RAB27A: variants seen among roughly 807,000 people sequenced by gnomAD.
RAB27A encodes the protein RAB27A, member RAS oncogene family, also known as ras-related protein Rab-27A.
Under a neutral mutation model 20.8 loss-of-function variants are expected in RAB27A, and 17 were observed. That is an observed-to-expected ratio of 0.82 (90% CI 0.56 to 1.23). RAB27A has a LOEUF of 1.23. Among genes scored for constraint, RAB27A ranks in the 50% most tolerant of loss-of-function variants. The pLI, the probability that RAB27A is intolerant of heterozygous loss-of-function variation, is 0.00. For synonymous variants in RAB27A, 85 were observed against 92.8 expected, an observed-to-expected ratio of 0.92 and a Z score of 0.48; for missense variants, 277 against 266.7, an observed-to-expected ratio of 1.04 and a Z score of -0.27.
intron 2 of RAB27A, among the ~76,000 whole-genome samples, chr15:55,246,794 C>T (rs572274415): frequency 1.3e-5 from 2 of 152,090 alleles, no homozygotes; most frequent in East Asian, 3.9e-4. Flanking sequence ...ATGCCTCTTA[C>T]CACCACCAAG....
intron 2 of RAB27A, among the ~76,000 whole-genome samples, chr15:55,240,518 G>GT (rs1186342688): frequency 6.6e-6 from 1 of 152,112 alleles, no homozygotes; most frequent in Non-Finnish European, 1.5e-5. Context: ...CTGTTCTATC[G>GT]TAAGTGCTTC....
Position 55,215,524 on chromosome 15 carries a change from C to T in RAB27A, c.467+8365G>A, listed in dbSNP as rs1011775292. ...AAAATTAGCCGGGCGTGGTAGCGGG[C>T]GCCTGTAGTCCCAGCTACTCGGGAG... On this transcript the variant is annotated intron_variant, in intron 6 of 6. Coordinates refer to ENST00000336787, the MANE Select transcript of RAB27A (RefSeq NM_183235.3). Among the ~76,000 whole-genome samples, 153 of 150,808 alleles carry T rather than the reference C, an allele frequency of 1.0e-3. 1 individual carries two copies. The highest frequency in any genetic ancestry group is 1.7e-3 in the Non-Finnish European group (116 of 67,834).
At chr15:55,228,414 T>A (rs1339726026) in intron 5 of RAB27A, among the ~76,000 whole-genome samples, 195 bp downstream of exon 5, 1 of 152,118 alleles carries the variant, frequency 6.6e-6, no homozygotes, top group Non-Finnish European at 1.5e-5. Flanking sequence ...ACTCAACAAA[T>A]CAAAGTTATC....
intron 3 of RAB27A, 41 bp from the exon 4 acceptor site, chr15:55,230,527 T>C: frequency 6.6e-7 from 1 of 1,520,032 alleles, no homozygotes; most frequent in Non-Finnish European, 9.1e-7. Flanking sequence ...AGAGAACTTC[T>C]AACACCAGCG....
Position 55,228,599 on chromosome 15 carries a change from T to C in RAB27A, c.343+10A>G, listed in dbSNP as rs760058623. 30 of 1,567,856 alleles carry C rather than the reference T, an allele frequency of 1.9e-5. No homozygotes were observed. Among genetic ancestry groups the C allele is most frequent in the Non-Finnish European group, 2.5e-5 (28 of 1,137,968 alleles). On this transcript the variant is annotated intron_variant, in intron 5 of 6. Coordinates refer to ENST00000336787, the MANE Select transcript of RAB27A (RefSeq NM_183235.3). ...TGTGTAGCAGGACACTGGGGAACAA[T>C]AACACTTACTTATCCAGTTTCTGAC...
intron 2 of RAB27A, among the ~76,000 whole-genome samples, chr15:55,301,635 C>A (rs1344350413): frequency 1.4e-5 from 2 of 144,276 alleles, no homozygotes; most frequent in African/African-American, 5.1e-5. Context: ...ATTTTCATCA[C>A]CCTAAAAATC....
intron 1 of RAB27A, among the ~76,000 whole-genome samples, chr15:55,287,306 G>A (rs912293920): frequency 6.6e-6 from 1 of 152,178 alleles, no homozygotes; most frequent in Non-Finnish European, 1.5e-5. Context: ...GAGTGAAGTT[G>A]CCATTCACTA....
chr15:55,261,781 T>G (rs186785057), intron 2 of RAB27A, among the ~76,000 whole-genome samples: 1 of 148,176 alleles, frequency 6.7e-6, no homozygotes. Flanking sequence ...GGCTCATGCC[T>G]GTAATCCCAG....
At chr15:55,275,926 A>AAC (rs1441273137) in intron 1 of RAB27A, among the ~76,000 whole-genome samples, 1 of 149,364 alleles carries the variant, frequency 6.7e-6, no homozygotes, top group Admixed American at 6.7e-5. Flanking sequence ...ATTAAAAAAA[A>AAC]AAAAAAAAAA....
At chr15:55,290,177 G>A (rs1425287872), upstream of RAB27A, 2 of 152,242 alleles carry the variant, frequency 1.3e-5, no homozygotes, top group Non-Finnish European at 2.9e-5. Context: ...AAAAAGCCAT[G>A]TTCTAAGGGT....
At chr15:55,265,964 A>G (rs1202372904) in intron 2 of RAB27A, among the ~76,000 whole-genome samples, 7 of 152,222 alleles carry the variant, frequency 4.6e-5, no homozygotes, top group Admixed American at 4.6e-4. Flanking sequence ...GGAGAGGACC[A>G]TGAGATGTGT....
chr15:55,291,508 T>C (rs1274372189), upstream of RAB27A, among the ~76,000 whole-genome samples: 29 of 72,400 alleles, frequency 4.0e-4, no homozygotes, highest in African/African-American at 1.6e-3. Flanking sequence ...GAGACTCTGT[T>C]TCAAAAAAAA....
At chr15:55,249,049 G>A (rs1021654267) in intron 2 of RAB27A, 2 of 152,124 alleles carry the variant, frequency 1.3e-5, no homozygotes, top group African/African-American at 4.8e-5. Flanking sequence ...AGAACTGACT[G>A]TTTGCATTTC....
intron 4 of RAB27A, among the ~76,000 whole-genome samples, chr15:55,230,065 T>C (rs1462439060): frequency 6.6e-6 from 1 of 152,160 alleles, no homozygotes; most frequent in Non-Finnish European, 1.5e-5. Context: ...TCCCACTAGA[T>C]TTCAACAGTC....
At chr15:55,301,968 A>G (rs2054973985) in intron 2 of RAB27A, among the ~76,000 whole-genome samples, 1 of 151,928 alleles carries the variant, frequency 6.6e-6, no homozygotes, top group Non-Finnish European at 1.5e-5. Flanking sequence ...AATAATCCCC[A>G]CGGCCGGGGG....
rs553448678 is a variant in RAB27A, at chr15:55,275,228, G to A, written c.-142-4944C>T. On this transcript the variant is annotated intron_variant, in intron 1 of 6. Coordinates refer to ENST00000336787, the MANE Select transcript of RAB27A (RefSeq NM_183235.3). ...GATTGCTCCATTGCACTCCAGCCTG[G>A]GTGACAGAGTGAGACTCCATCTAAC... Among the ~76,000 whole-genome samples, 4 of 151,684 alleles carry A rather than the reference G, an allele frequency of 2.6e-5. No homozygotes were observed. The East Asian group carries it at 7.8e-4, about 29-fold the overall frequency.
chr15:55,314,431 G>A (rs139182162), intron 1 of RAB27A, among the ~76,000 whole-genome samples: 11 of 152,202 alleles, frequency 7.2e-5, no homozygotes, highest in African/African-American at 2.2e-4. Context: ...CAGGGAATCA[G>A]GCAAGAGAAG....
chr15:55,219,058 T>C (rs1289826022), intron 6 of RAB27A, among the ~76,000 whole-genome samples: 2 of 151,984 alleles, frequency 1.3e-5, no homozygotes, highest in East Asian at 3.9e-4. Flanking sequence ...CATATTCACA[T>C]TTTTCTCTAT....
intron 2 of RAB27A, among the ~76,000 whole-genome samples, chr15:55,244,546 A>C (rs56798386): frequency 0.011 from 1,618 of 152,200 alleles, 37 homozygotes; most frequent in African/African-American, 0.037. Flanking sequence ...CAAACTCCCG[A>C]GCTCAAGAGG....
Sources: allele counts gnomAD v4.1 joint callset (sites outside exome capture counted in the v4.1 genomes callset), GRCh38; gene constraint gnomAD v4.1.1; transcripts MANE v1.5; gene names NCBI Gene and HGNC (gene_info 2026-07-23, HGNC 2026-07-21).